The following PDE1C variants were observed in gnomAD, a reference collection of about 807,000 sequenced individuals.
PDE1C encodes the protein phosphodiesterase 1C.
PDE1C carries 62 observed loss-of-function variants against 93.1 expected under a neutral mutation model. That is an observed-to-expected ratio of 0.67 (90% CI 0.54 to 0.82). The LOEUF is 0.82. Among genes scored for constraint, PDE1C ranks in the 40% least tolerant of loss-of-function variants. The pLI, the probability that PDE1C is intolerant of heterozygous loss-of-function variation, is 0.00. For missense variants in PDE1C, 742 were observed against 884.6 expected (o/e 0.84, Z 2.04); for synonymous variants, 325 against 310.1 (o/e 1.05, Z -0.50).
chr7:32,203,636 G>A (rs1000990888), intron 2 of PDE1C, among the ~76,000 whole-genome samples: 2 of 152,032 alleles, frequency 1.3e-5, no homozygotes, highest in African/African-American at 2.4e-5. Context: ...TTTTGATACC[G>A]CTATAGTAGT....
At chr7:32,346,081 A>G (rs1783847992) in intron 1 of PDE1C, among the ~76,000 whole-genome samples, 1 of 152,258 alleles carries the variant, frequency 6.6e-6, no homozygotes, top group Non-Finnish European at 1.5e-5. Flanking sequence ...CTAAATGTCC[A>G]TTATTTGGTA....
At chr7:32,392,569 C>T (rs1203043917) in intron 1 of PDE1C, among the ~76,000 whole-genome samples, 2 of 152,050 alleles carry the variant, frequency 1.3e-5, no homozygotes, top group Admixed American at 6.6e-5. Flanking sequence ...AATCTAGTAA[C>T]ATATAAAAAC....
chr7:31,794,041 TAGACAGACAGACAGAC>T (rs71559203), intron 16 of PDE1C, among the ~76,000 whole-genome samples: 10 of 89,546 alleles, frequency 1.1e-4, no homozygotes, highest in African/African-American at 2.2e-4. Context: ...GATAGATAGA[TAGACAGACAGACAGAC>T]AGACAGACAG....
At chr7:31,636,054 G>T in the PDE1C span, among the ~76,000 whole-genome samples, 1 of 152,292 alleles carries the variant, frequency 6.6e-6, no homozygotes, top group Middle Eastern at 3.4e-3. Context: ...GCAGGAGAGA[G>T]AATGAGAGCT....
chr7:31,840,586 C>T (rs1481077338), intron 9 of PDE1C, among the ~76,000 whole-genome samples: 2 of 152,178 alleles, frequency 1.3e-5, no homozygotes, highest in East Asian at 3.9e-4. Flanking sequence ...TTAGCTTTTA[C>T]GTTTAGGTTT....
intron 2 of PDE1C, among the ~76,000 whole-genome samples, chr7:31,985,810 C>A (rs1248629849): frequency 6.6e-6 from 1 of 152,104 alleles, no homozygotes; most frequent in Non-Finnish European, 1.5e-5. Flanking sequence ...TTTCTTAATC[C>A]AGTCTATCAT....
intron 1 of PDE1C, among the ~76,000 whole-genome samples, chr7:32,399,585 T>TTG (rs1252663348): frequency 6.7e-6 from 1 of 149,010 alleles, no homozygotes; most frequent in East Asian, 2.0e-4. Context: ...ATTTAACTTT[T>TTG]TTTTTTTTTT....
chr7:32,151,062 A>C (rs1049201352), intron 3 of PDE1C, among the ~76,000 whole-genome samples: 2 of 152,184 alleles, frequency 1.3e-5, no homozygotes, highest in Non-Finnish European at 2.9e-5. Context: ...CGTATCTGTA[A>C]GAAATCCTAA....
chr7:31,791,099 A>G (rs1410521144), intron 16 of PDE1C, among the ~76,000 whole-genome samples: 4 of 152,118 alleles, frequency 2.6e-5, no homozygotes, highest in African/African-American at 9.7e-5. Flanking sequence ...CAGGACAAGG[A>G]AAGTTTCCCA....
chr7:32,133,575 T>G (rs1034328011), intron 3 of PDE1C, among the ~76,000 whole-genome samples: 6 of 152,156 alleles, frequency 3.9e-5, no homozygotes, highest in African/African-American at 1.4e-4. Flanking sequence ...GATGACCCCT[T>G]CACTTGCAGC....
the PDE1C span, among the ~76,000 whole-genome samples, chr7:31,653,942 G>T: frequency 1.3e-5 from 2 of 151,990 alleles, no homozygotes; most frequent in East Asian, 3.9e-4. Context: ...CAGCCAGTGG[G>T]AGTACTGATG....
intron 16 of PDE1C, among the ~76,000 whole-genome samples, chr7:31,780,702 C>G (rs946962018): frequency 1.3e-5 from 2 of 152,078 alleles, no homozygotes; most frequent in Non-Finnish European, 2.9e-5. Context: ...ACACACATGA[C>G]AGTGCTTAGC....
intron 15 of PDE1C, 24 bp downstream of exon 15, chr7:31,815,900 C>G: frequency 6.6e-7 from 1 of 1,526,704 alleles, no homozygotes; most frequent in Non-Finnish European, 9.1e-7. Context: ...GAAAAGAGCC[C>G]TTCACCAGTG....
chr7:31,796,399 G>A (rs762892774), intron 16 of PDE1C, among the ~76,000 whole-genome samples: 8 of 151,516 alleles, frequency 5.3e-5, no homozygotes, highest in Non-Finnish European at 8.9e-5. Context: ...GAAGACAATG[G>A]TAGTCACCTG....
intron 1 of PDE1C, among the ~76,000 whole-genome samples, chr7:32,054,125 GAT>G: frequency 6.6e-6 from 1 of 151,862 alleles, no homozygotes; most frequent in Non-Finnish European, 1.5e-5. Context: ...TAGAAAAGAT[GAT>G]ACCCAGGGGG....
chr7:31,651,932 C>T, the PDE1C span: 1 of 1,574,220 alleles, frequency 6.4e-7, no homozygotes, highest in South Asian at 1.2e-5. Context: ...CTATTATTTA[C>T]TTGCAGGGAG....
chr7:32,107,872 A>T (rs1178139633), intron 3 of PDE1C, among the ~76,000 whole-genome samples: 1 of 152,134 alleles, frequency 6.6e-6, no homozygotes, highest in Non-Finnish European at 1.5e-5. Context: ...AAGGGACAGG[A>T]GGGATGATTG....
intron 17 of PDE1C, among the ~76,000 whole-genome samples, chr7:31,765,289 G>T (rs532070414): frequency 5.4e-4 from 82 of 152,182 alleles, no homozygotes; most frequent in Non-Finnish European, 9.4e-4. Flanking sequence ...GACTAAAAAT[G>T]AACTCCCTCA....
intron 2 of PDE1C, among the ~76,000 whole-genome samples, chr7:31,989,026 A>C (rs1783799579): frequency 6.9e-6 from 1 of 144,312 alleles, no homozygotes; most frequent in Non-Finnish European, 1.5e-5. Context: ...AAAGAGAGAG[A>C]GAGAAAGAGA....
Sources: allele counts gnomAD v4.1 joint callset (sites outside exome capture counted in the v4.1 genomes callset), GRCh38; gene constraint gnomAD v4.1.1; transcripts MANE v1.5; gene names NCBI Gene and HGNC (gene_info 2026-07-23, HGNC 2026-07-21).